Variants in PDS5B observed in about 807,000 individuals in gnomAD.
PDS5B encodes the protein sister chromatid cohesion protein PDS5 homolog B.
In PDS5B, 51 loss-of-function variants were observed where a neutral mutation model predicts 184.1. The ratio of observed to expected loss-of-function variants is 0.28; its 90% CI spans 0.22 to 0.35. The LOEUF (loss-of-function observed/expected upper bound fraction) is 0.35, where lower values mean the gene tolerates loss of function less well. Ranked by LOEUF, PDS5B falls within the 10% of genes least tolerant of loss-of-function variation. The probability of loss-of-function intolerance (pLI) is 1.00; values close to 1 mark genes in which losing one functional copy is unlikely to be tolerated. For synonymous variants in PDS5B, 566 were observed against 569.2 expected, an observed-to-expected ratio of 0.99 and a Z score of 0.08; for missense variants, 1,180 against 1,723.3, an observed-to-expected ratio of 0.68 and a Z score of 5.58.
intron 21 of PDS5B, among the ~76,000 whole-genome samples, chr13:32,736,758 ATTG>A: frequency 6.6e-6 from 1 of 151,678 alleles, no homozygotes; most frequent in East Asian, 1.9e-4. Context: ...TTAAACGTAC[ATTG>A]TTTTTTTGCT....
At chr13:32,651,281 C>A (rs1950360526) in intron 2 of PDS5B, among the ~76,000 whole-genome samples, 3 of 152,104 alleles carry the variant, frequency 2.0e-5, no homozygotes, top group Admixed American at 2.0e-4. Context: ...TTCATAGTAG[C>A]TTTTCAGTGT....
rs1457313863 is a variant in PDS5B, at chr13:32,716,117, G to A, written c.2123+6011G>A. On this transcript the variant is annotated intron_variant, in intron 19 of 34. Coordinates refer to ENST00000315596, the MANE Select transcript of PDS5B (RefSeq NM_015032.4). ...AAGTGAGGAGCGTCTCTGCCTGGCC[G>A]CCCATCGTCTGGGACGTGAGGAGCC... Among the ~76,000 whole-genome samples, 14 of 151,224 alleles carry A rather than the reference G, an allele frequency of 9.3e-5. No homozygotes were observed. In the South Asian group the frequency reaches 1.1e-3, roughly 11 times the overall value.
intron 1 of PDS5B, among the ~76,000 whole-genome samples, chr13:32,599,905 ACT>A (rs1462908582): frequency 1.3e-5 from 2 of 151,780 alleles, no homozygotes; most frequent in Admixed American, 6.6e-5. Flanking sequence ...ACAGAATGAG[ACT>A]CTGTCTCAAA....
At chr13:32,641,221 A>G (rs1449215969) in intron 1 of PDS5B, among the ~76,000 whole-genome samples, 1 of 152,184 alleles carries the variant, frequency 6.6e-6, no homozygotes, top group African/African-American at 2.4e-5. Context: ...CAAAGATGAA[A>G]GGAACTATTA....
At chr13:32,723,934 A>G (rs972993054) in intron 19 of PDS5B, among the ~76,000 whole-genome samples, 1 of 152,222 alleles carries the variant, frequency 6.6e-6, no homozygotes, top group Admixed American at 6.5e-5. Context: ...GGTATTCACC[A>G]ACCAGCTTTA....
At chr13:32,706,327 A>G (rs1331689705) in intron 17 of PDS5B, among the ~76,000 whole-genome samples, 1 of 144,832 alleles carries the variant, frequency 6.9e-6, no homozygotes, top group African/African-American at 2.6e-5. Flanking sequence ...AATAAATAAA[A>G]TAACATAAGC....
intron 29 of PDS5B, 142 bp from the exon 30 acceptor site, chr13:32,760,433 A>T: frequency 1.5e-6 from 1 of 683,856 alleles, no homozygotes; most frequent in East Asian, 2.7e-5. Flanking sequence ...TTTAGTTTAT[A>T]CTTATTACTT....
At chr13:32,745,917 C>A in intron 23 of PDS5B, 60 bp from the exon 24 acceptor site, 2 of 1,355,694 alleles carry the variant, frequency 1.5e-6, no homozygotes, top group Non-Finnish European at 2.1e-6. Context: ...ATTAGATGTA[C>A]AGAAGATTTT....
At chr13:32,611,068 T>C (rs1010395725) in intron 1 of PDS5B, among the ~76,000 whole-genome samples, 1 of 152,182 alleles carries the variant, frequency 6.6e-6, no homozygotes. Context: ...ATTTTACTTA[T>C]GTGAATTGAT....
chr13:32,699,465 A>G (rs989098270), intron 15 of PDS5B, among the ~76,000 whole-genome samples: 1 of 152,210 alleles, frequency 6.6e-6, no homozygotes, highest in Non-Finnish European at 1.5e-5. Flanking sequence ...GCCTTTAAAT[A>G]TTACAAGGGA....
chr13:32,726,244 C>T (rs918475501), intron 19 of PDS5B, among the ~76,000 whole-genome samples: 9 of 151,490 alleles, frequency 5.9e-5, no homozygotes, highest in Middle Eastern at 3.2e-3. Context: ...ATACACTTTT[C>T]TTCACCTTTT....
intron 14 of PDS5B, among the ~76,000 whole-genome samples, chr13:32,694,759 A>G (rs1375678651): frequency 1.3e-5 from 2 of 151,656 alleles, no homozygotes; most frequent in East Asian, 3.9e-4. Context: ...TTAATGTACT[A>G]CCTAGTATTT....
Position 32,742,643 on chromosome 13 carries a change from A to G in PDS5B, c.2528A>G (p.His843Arg). The change falls in exon 23 of 35, where the codon CAC becomes CGC. Residue 843 changes from histidine (H) to arginine (R), a missense_variant. His to Arg is a conservative substitution (Grantham distance 29, BLOSUM62 0). Transcript: ENST00000315596. ...VRWLLGMKNN[H>R]SKSGTSTLRL... Reference sequence around the variant, plus strand: ...TGGCTACTTGGAATGAAAAATAATCACAGTAAATCAGGAACTTCTACCTTA... The same window carrying G: ...TGGCTACTTGGAATGAAAAATAATCGCAGTAAATCAGGAACTTCTACCTTA... The G allele has an allele frequency of 6.2e-7, 1 of 1,611,280 alleles. No homozygotes were observed. The highest frequency in any genetic ancestry group is 8.5e-7 in the Non-Finnish European group (1 of 1,177,662).
intron 20 of PDS5B, among the ~76,000 whole-genome samples, chr13:32,733,225 C>T (rs906221721): frequency 6.6e-6 from 1 of 151,750 alleles, no homozygotes. Flanking sequence ...GTAGTTCTTT[C>T]ATTTTGATAT....
At chr13:32,720,987 A>C (rs1172767522) in intron 19 of PDS5B, among the ~76,000 whole-genome samples, 1 of 152,226 alleles carries the variant, frequency 6.6e-6, no homozygotes, top group African/African-American at 2.4e-5. Flanking sequence ...CAGCATCCCA[A>C]GGCAGAAGAA....
chr13:32,655,374 A>ATATATATATATATATATATATATATT, intron 3 of PDS5B, among the ~76,000 whole-genome samples: 2 of 72,466 alleles, frequency 2.8e-5, no homozygotes, highest in African/African-American at 8.3e-5. Context: ...ATATATATAT[A>ATATATATATATATATATATATATATT]TTTTTTTTTT....
intron 1 of PDS5B, among the ~76,000 whole-genome samples, chr13:32,589,394 G>A (rs117870098): frequency 6.2e-4 from 95 of 152,138 alleles, no homozygotes; most frequent in Non-Finnish European, 1.1e-3. Context: ...AAGTTTTGTG[G>A]TTAGCCGTCT....
chr13:32,734,763 C>T (rs887359453), intron 20 of PDS5B, among the ~76,000 whole-genome samples: 9 of 152,202 alleles, frequency 5.9e-5, no homozygotes, highest in Admixed American at 1.3e-4. Flanking sequence ...TTCATATATC[C>T]TCACTTAACT....
Position 32,685,071 on chromosome 13 carries a change from C to T in PDS5B, c.1203+1048C>T, listed in dbSNP as rs548732711. On this transcript the variant is annotated intron_variant, in intron 11 of 34. Transcript: ENST00000315596. ...GAGCTTCCAGTGAGCTGAGATTGTG[C>T]CACTGCACTGCAGCCTGGGTGACAA... Among the ~76,000 whole-genome samples the T allele has an allele frequency of 3.3e-5, 5 of 152,306 alleles. No homozygotes were observed. In the East Asian group the frequency reaches 9.6e-4, roughly 29 times the overall value.
Sources: gnomAD v4.1 joint callset for allele counts (sites outside exome capture counted in the v4.1 genomes callset) on GRCh38, gnomAD v4.1.1 for gene constraint, MANE v1.5 for transcripts, NCBI Gene and HGNC (gene_info 2026-07-23, HGNC 2026-07-21) for gene names.